The following HCN4 variants were observed in gnomAD, a reference collection of about 807,000 sequenced individuals.
The protein encoded by HCN4 is potassium/sodium hyperpolarization-activated cyclic nucleotide-gated channel 4.
A neutral mutation model predicts 76.9 loss-of-function variants in HCN4; 29 were observed. That is an observed-to-expected ratio of 0.38 (90% CI 0.28 to 0.51). HCN4 has a LOEUF of 0.51. HCN4 is among the 20% of genes least tolerant of loss of function. The pLI is 0.90. For synonymous variants in HCN4, 772 were observed against 762.5 expected (o/e 1.01, Z -0.21); for missense variants, 1,416 against 1,715.2 (o/e 0.83, Z 3.08).
chr15:73,362,227 TC>T (rs1364576363), intron 1 of HCN4, among the ~76,000 whole-genome samples: 22 of 152,194 alleles, frequency 1.4e-4, no homozygotes, highest in Non-Finnish European at 4.4e-5. Context: ...TCAGCCCAGT[TC>T]ACAGACTTCA....
At chr15:73,338,414 C>T (rs1485849120) in intron 2 of HCN4, among the ~76,000 whole-genome samples, 2 of 152,246 alleles carry the variant, frequency 1.3e-5, no homozygotes, top group African/African-American at 4.8e-5. Flanking sequence ...ACTCCTTCTG[C>T]AGTTTCTCAA....
chr15:73,354,974 G>A (rs1034568523), intron 1 of HCN4, among the ~76,000 whole-genome samples: 1 of 152,216 alleles, frequency 6.6e-6, no homozygotes, highest in Non-Finnish European at 1.5e-5. Context: ...GCCAAGGGAA[G>A]GGAGTAAGAG....
chr15:73,350,905 GGT>G (rs2151223248), intron 1 of HCN4, among the ~76,000 whole-genome samples: 1 of 152,162 alleles, frequency 6.6e-6, no homozygotes, highest in East Asian at 1.9e-4. Flanking sequence ...CCTTGAAGGA[GGT>G]GTCACCGTCC....
In HCN4 at chr15:73,331,220, C is replaced by T. The variant is rs569118884; in HGVS notation, c.1371+911G>A. Among the ~76,000 whole-genome samples the T allele has an allele frequency of 1.0e-3, 157 of 152,294 alleles. 1 individual carries two copies. The highest frequency in any genetic ancestry group is 3.4e-3 in the Middle Eastern group (1 of 294). ...ACTGGAAACTCTGCCCTATGGCTTCCGAGGCCCCAAGTTCAACTTCTCTCA... is the reference window on the plus strand; with the variant it reads ...ACTGGAAACTCTGCCCTATGGCTTCTGAGGCCCCAAGTTCAACTTCTCTCA... On this transcript the variant is annotated intron_variant, in intron 3 of 7. Coordinates refer to ENST00000261917, the MANE Select transcript of HCN4 (RefSeq NM_005477.3).
In HCN4 at chr15:73,322,512, G is replaced by A. The variant is rs147982868; in HGVS notation, c.3581C>T (p.Pro1194Leu). 1.3e-5 allele frequency: 21 copies of A among 1,601,784 alleles called. No individual in the cohort carries two copies. The highest frequency in any genetic ancestry group is 1.7e-5 in the Admixed American group (1 of 58,452). The change falls in exon 8 of 8, where the codon CCA becomes CTA. Residue 1194 changes from proline to leucine, a missense_variant. Physicochemically the swap from Pro to Leu is moderately conservative, Grantham distance 98 (BLOSUM62 -3). Transcript: ENST00000261917. ...PQREPGARPE[P>L]VRSKLPSNL Reference sequence around the variant, plus strand: ...ATTGGATGGCAGTTTGGAGCGCACTGGCTCAGGCCTGGCCCCAGGTTCCCT... The same window carrying A: ...ATTGGATGGCAGTTTGGAGCGCACTAGCTCAGGCCTGGCCCCAGGTTCCCT...
intron 1 of HCN4, among the ~76,000 whole-genome samples, chr15:73,354,724 T>C (rs977203563): frequency 6.6e-6 from 1 of 152,226 alleles, no homozygotes; most frequent in African/African-American, 2.4e-5. Flanking sequence ...TACAATATGC[T>C]ATATGGCATA....
intron 3 of HCN4, among the ~76,000 whole-genome samples, chr15:73,330,227 G>A (rs1001895555): frequency 6.6e-6 from 1 of 152,234 alleles, no homozygotes; most frequent in East Asian, 1.9e-4. Context: ...TGCTTCCCTT[G>A]GGGGGACAAG....
intron 2 of HCN4, among the ~76,000 whole-genome samples, chr15:73,337,825 T>C (rs2042975958): frequency 6.6e-6 from 1 of 152,142 alleles, no homozygotes; most frequent in Non-Finnish European, 1.5e-5. Context: ...CTTGTCCCTG[T>C]GGGAAGAACC....
In HCN4 at chr15:73,328,344, G is replaced by C. The variant is rs1413469272; in HGVS notation, c.1590+1229C>G. On this transcript the variant is annotated intron_variant, in intron 4 of 7. Transcript: ENST00000261917. This position sits in a 1 kb window ranked among gnomAD's most constrained non-coding sequence, Gnocchi z 4.0. The stretch of plus-strand genomic sequence containing the variant: ...CTGAAATAAAGGGTGCAAGGCCCAG[G>C]GCAGGAGCTGAGCATGAGGGCAGAT... Among the ~76,000 whole-genome samples the C allele has an allele frequency of 1.3e-5, 2 of 152,078 alleles. No homozygotes were observed. The highest frequency in any genetic ancestry group is 6.6e-5 in the Admixed American group (1 of 15,264).
chr15:73,325,001 G>A lies in HCN4; in HGVS notation c.1932C>T (p.Thr644=). 6.2e-7 allele frequency: 1 copy of A among 1,614,174 alleles called. No individual in the cohort carries two copies. The highest frequency in any genetic ancestry group is 8.5e-7 in the Non-Finnish European group (1 of 1,180,034). The change falls in exon 6 of 8, where the codon ACC becomes ACT. Residue 644 remains threonine (T), a synonymous_variant. Transcript: ENST00000261917. This position sits in a 1 kb window ranked among gnomAD's most constrained non-coding sequence, Gnocchi z 7.4. ...FIQHGVVSVL[T]KGNKETKLAD... Reference sequence around the variant, plus strand: ...CCAGCTTGGTCTCCTTGTTGCCCTTGGTGAGCACGCTGACCACGCCATGCT... The same window carrying A: ...CCAGCTTGGTCTCCTTGTTGCCCTTAGTGAGCACGCTGACCACGCCATGCT...
At position 73,332,158 on chromosome 15, in the gene HCN4, G is replaced by A; in HGVS notation, c.1344C>T (p.Asp448=). ...CCATGTTGTTGATGGACACCCAGCA[G>A]TCGTCAGGGAAGTCCTGTAGCATGG... is the stretch of plus-strand genomic sequence containing the variant. ...LVPMLQDFPD[D]CWVSINNMVN... Residue 448 remains aspartate (D), a synonymous_variant, in exon 3 of 8, where the codon GAC becomes GAT. Transcript: ENST00000261917. 1 of 1,614,200 alleles carries A rather than the reference G, an allele frequency of 6.2e-7. No individual in the cohort carries two copies. The highest frequency in any genetic ancestry group is 1.1e-5 in the South Asian group (1 of 91,080).
chr15:73,322,911 G>T lies in HCN4; in HGVS notation c.3182C>A (p.Pro1061Gln), dbSNP rs1010963303. Residue 1061 changes from proline to glutamine, a missense_variant, in exon 8 of 8, where the codon CCA (proline) becomes CAA (glutamine). Around this residue, in one of 6 missense-constraint regions of HCN4, gnomAD observed 633 missense variants for 579.8 expected, o/e 1.09. Transcript: ENST00000261917. ...SLLLPPASSP[P>Q]PPQVPQRRGT... ...CCGGCGCTGGGGGACCTGGGGTGGT[G>T]GGGGGCTGGATGCAGGTGGCAGGAG... is the stretch of plus-strand genomic sequence containing the variant. The T allele has an allele frequency of 2.1e-6, 3 of 1,403,312 alleles. No homozygotes were observed. The highest frequency in any genetic ancestry group is 2.8e-6 in the Non-Finnish European group (3 of 1,061,652). 86.9% of individuals were successfully genotyped at this position (1,403,312 alleles called of 1,614,324 possible).
At chr15:73,365,032 T>A (rs1043551624) in intron 1 of HCN4, among the ~76,000 whole-genome samples, 2 of 152,170 alleles carry the variant, frequency 1.3e-5, no homozygotes, top group Non-Finnish European at 2.9e-5. Flanking sequence ...TTGCAGAAGC[T>A]CTTGCGAAGC....
chr15:73,356,796 T>C (rs912200071), intron 1 of HCN4, among the ~76,000 whole-genome samples: 4 of 152,046 alleles, frequency 2.6e-5, no homozygotes, highest in Non-Finnish European at 5.9e-5. Context: ...CCTCAGAATT[T>C]TATGATTTTG....
chr15:73,360,582 T>TAACA (rs2043100789), intron 1 of HCN4, among the ~76,000 whole-genome samples: 2 of 152,024 alleles, frequency 1.3e-5, no homozygotes, highest in Non-Finnish European at 2.9e-5. Flanking sequence ...AGGAGGAATG[T>TAACA]CAAATTCCAG....
chr15:73,322,568 A>G lies in HCN4; in HGVS notation c.3525T>C (p.Ser1175=). 6.2e-7 allele frequency: 1 copy of G among 1,608,862 alleles called. No individual in the cohort carries two copies. Among genetic ancestry groups the G allele is most frequent in the South Asian group, 1.1e-5 (1 of 89,976 alleles). The change falls in exon 8 of 8, where the codon TCT becomes TCC. Residue 1175 remains serine, a synonymous_variant. Coordinates refer to ENST00000261917, the MANE Select transcript of HCN4 (RefSeq NM_005477.3). ...LSLFGARATS[S]GGPPLTAGPQ... is the part of the protein sequence containing the mutation. ...GTCCAGCAGTCAGAGGGGGCCCCCC[A>G]GAAGAGGTGGCTCTTGCCCCAAACA...
intron 1 of HCN4, among the ~76,000 whole-genome samples, chr15:73,344,656 T>G (rs1286322124): frequency 1.3e-5 from 2 of 152,210 alleles, no homozygotes; most frequent in Non-Finnish European, 2.9e-5. Context: ...TCATTTCTCC[T>G]AAGGCCTCAG....
intron 7 of HCN4, 35 bp downstream of exon 7, chr15:73,324,054 C>T: frequency 6.2e-7 from 1 of 1,609,136 alleles, no homozygotes; most frequent in South Asian, 1.1e-5. Flanking sequence ...CCCCAACACC[C>T]CCCACCTGCC....
intron 4 of HCN4, among the ~76,000 whole-genome samples, chr15:73,327,108 CTTTTT>C: frequency 7.6e-6 from 1 of 131,108 alleles, no homozygotes; most frequent in East Asian, 2.3e-4. Flanking sequence ...TTTTCTTTTT[CTTTTT>C]TTTTTTTTTT....
Sources: gnomAD v4.1 joint callset for allele counts (sites outside exome capture counted in the v4.1 genomes callset) on GRCh38, gnomAD v4.1.1 for gene constraint, gnomAD v4.1.1 regional missense constraint, Gnocchi (gnomAD v3.1) non-coding constraint, MANE v1.5 for transcripts, NCBI Gene and HGNC (gene_info 2026-07-23, HGNC 2026-07-21) for gene names.